The following DPYD variants were observed in gnomAD, a reference collection of about 807,000 sequenced individuals.
The protein encoded by DPYD is dihydropyrimidine dehydrogenase [NADP(+)].
A neutral mutation model predicts 116.2 loss-of-function variants in DPYD; 109 were observed. The ratio of observed to expected loss-of-function variants is 0.94; its 90% confidence interval spans 0.80 to 1.10. DPYD has a LOEUF of 1.10. Ranked by LOEUF, DPYD falls within the 50% of genes least tolerant of loss-of-function variation. The probability of loss-of-function intolerance (pLI) is 0.00; values close to 1 mark genes in which losing one functional copy is unlikely to be tolerated. For missense variants in DPYD, 1,302 were observed against 1,254.5 expected, an observed-to-expected ratio of 1.04 and a Z score of -0.57; for synonymous variants, 440 against 432.0, an observed-to-expected ratio of 1.02 and a Z score of -0.23.
At chr1:97,586,464 A>G (rs1400993906) in intron 10 of DPYD, among the ~76,000 whole-genome samples, 2 of 63,448 alleles carry the variant, frequency 3.2e-5, no homozygotes, top group Non-Finnish European at 6.5e-5. Flanking sequence ...ATACATACAT[A>G]CATATATATA....
At chr1:97,605,514 G>A (rs1468968952) in intron 8 of DPYD, among the ~76,000 whole-genome samples, 1 of 151,994 alleles carries the variant, frequency 6.6e-6, no homozygotes, top group African/African-American at 2.4e-5. Flanking sequence ...CTGCCATACT[G>A]TAAGTTTCCT....
At chr1:97,189,809 C>T (rs906642312) in intron 20 of DPYD, among the ~76,000 whole-genome samples, 1 of 152,110 alleles carries the variant, frequency 6.6e-6, no homozygotes, top group African/African-American at 2.4e-5. Flanking sequence ...CACTCCCTCT[C>T]CAGCCCCAGC....
chr1:97,128,406 T>C (rs1461161110), intron 20 of DPYD, among the ~76,000 whole-genome samples: 2 of 152,180 alleles, frequency 1.3e-5, no homozygotes, highest in South Asian at 4.1e-4. Flanking sequence ...TTATGACTTA[T>C]ACAAACAAAC....
chr1:97,788,147 G>A (rs75696555), intron 3 of DPYD, among the ~76,000 whole-genome samples: 10,029 of 152,216 alleles, frequency 0.066, 425 homozygotes, highest in Admixed American at 0.12. Flanking sequence ...CAGCTTTGGG[G>A]AAGAAACAAA....
intron 16 of DPYD, among the ~76,000 whole-genome samples, chr1:97,308,665 T>G (rs1667305343): frequency 6.6e-6 from 1 of 151,988 alleles, no homozygotes; most frequent in East Asian, 1.9e-4. Context: ...AATTTTGATA[T>G]GAATGTTCAA....
At chr1:97,508,934 A>G (rs1647568843) in intron 13 of DPYD, among the ~76,000 whole-genome samples, 1 of 151,966 alleles carries the variant, frequency 6.6e-6, no homozygotes, top group Non-Finnish European at 1.5e-5. Flanking sequence ...TGTAGCACTG[A>G]CAACTTGTGA....
intron 1 of DPYD, among the ~76,000 whole-genome samples, chr1:97,908,772 T>C (rs928131577): frequency 2.0e-5 from 3 of 152,124 alleles, no homozygotes; most frequent in Non-Finnish European, 2.9e-5. Context: ...CATCAATCCA[T>C]GGAGCGTATC....
intron 6 of DPYD, among the ~76,000 whole-genome samples, chr1:97,695,910 G>A (rs554687073): frequency 1.3e-5 from 2 of 151,948 alleles, no homozygotes; most frequent in East Asian, 1.9e-4. Flanking sequence ...TGGGTAGATC[G>A]CTTGAGGTCA....
At chr1:97,189,913 A>G (rs985224909) in intron 20 of DPYD, among the ~76,000 whole-genome samples, 2 of 152,188 alleles carry the variant, frequency 1.3e-5, no homozygotes, top group Non-Finnish European at 2.9e-5. Context: ...AGTTCAGGCC[A>G]GGTTTTCTGC....
intron 10 of DPYD, among the ~76,000 whole-genome samples, chr1:97,586,836 C>T (rs534389782): frequency 6.6e-6 from 1 of 151,916 alleles, no homozygotes; most frequent in Admixed American, 6.6e-5. Flanking sequence ...GCTGGGGATA[C>T]ATTAATTGCA....
At chr1:97,657,482 T>G (rs1244146902) in intron 8 of DPYD, among the ~76,000 whole-genome samples, 3 of 152,208 alleles carry the variant, frequency 2.0e-5, no homozygotes, top group Non-Finnish European at 2.9e-5. Flanking sequence ...TGTCAATATT[T>G]TTTATGGGCA....
chr1:97,378,306 G>C (rs1671751990), intron 15 of DPYD, among the ~76,000 whole-genome samples: 1 of 152,144 alleles, frequency 6.6e-6, no homozygotes, highest in Non-Finnish European at 1.5e-5. Flanking sequence ...TCTGTAATGT[G>C]CCTCTGTTTG....
intron 14 of DPYD, among the ~76,000 whole-genome samples, chr1:97,389,719 T>C (rs1458189792): frequency 6.6e-6 from 1 of 152,088 alleles, no homozygotes; most frequent in Non-Finnish European, 1.5e-5. Context: ...ATACACTTTT[T>C]GTAAACATCT....
intron 3 of DPYD, among the ~76,000 whole-genome samples, chr1:97,760,837 T>TC (rs1665533752): frequency 6.6e-6 from 1 of 152,022 alleles, no homozygotes; most frequent in Non-Finnish European, 1.5e-5. Flanking sequence ...AGACCAAACG[T>TC]CCCCTGCCTC....
At chr1:97,477,400 T>C (rs1678028121) in intron 13 of DPYD, among the ~76,000 whole-genome samples, 1 of 152,206 alleles carries the variant, frequency 6.6e-6, no homozygotes, top group Admixed American at 6.5e-5. Flanking sequence ...TTCTAACATA[T>C]CTTCAGTTAC....
chr1:97,404,289 T>C (rs1297312025), intron 14 of DPYD, among the ~76,000 whole-genome samples: 1 of 152,110 alleles, frequency 6.6e-6, no homozygotes, highest in African/African-American at 2.4e-5. Context: ...TCTATAGATG[T>C]CAAATTATAT....
chr1:97,586,870 T>C (rs1223207701), intron 10 of DPYD, among the ~76,000 whole-genome samples: 1 of 152,132 alleles, frequency 6.6e-6, no homozygotes, highest in Non-Finnish European at 1.5e-5. Context: ...GTAATATTTA[T>C]ACACATTTCT....
At chr1:97,509,448 A>G (rs546775238) in intron 13 of DPYD, among the ~76,000 whole-genome samples, 2 of 152,134 alleles carry the variant, frequency 1.3e-5, no homozygotes, top group East Asian at 3.9e-4. Flanking sequence ...ATGTGGTGAC[A>G]GAACAATTGG....
intron 18 of DPYD, among the ~76,000 whole-genome samples, chr1:97,242,120 G>A (rs1212797619): frequency 1.1e-4 from 3 of 27,022 alleles, no homozygotes; most frequent in Admixed American, 4.0e-4. Context: ...GTGTGTGTGC[G>A]TGTGTATATA....
Sources: allele counts gnomAD v4.1 joint callset (sites outside exome capture counted in the v4.1 genomes callset), GRCh38; gene constraint gnomAD v4.1.1; transcripts MANE v1.5; gene names NCBI Gene and HGNC (gene_info 2026-07-23, HGNC 2026-07-21).